The following CLBA1 variants were observed in gnomAD, a reference collection of about 807,000 sequenced individuals.
The protein encoded by CLBA1 is uncharacterized protein CLBA1.
In CLBA1, 30 loss-of-function variants were observed where a neutral mutation model predicts 28.8. That is an observed-to-expected ratio of 1.04 (90% CI 0.78 to 1.41). The LOEUF (loss-of-function observed/expected upper bound fraction) is 1.41, where lower values mean the gene tolerates loss of function less well. Ranked by LOEUF, CLBA1 falls within the 40% of genes most tolerant of loss-of-function variation. The probability of loss-of-function intolerance (pLI) is 0.00; values close to 1 mark genes in which losing one functional copy is unlikely to be tolerated. For synonymous variants in CLBA1, 160 were observed against 152.8 expected (o/e 1.05, Z -0.35); for missense variants, 451 against 412.3 (o/e 1.09, Z -0.81).
Position 104,985,884 on chromosome 14 carries a change from T to TGCGGAGCCCGGGCCCGGGCCCAGGACAC in CLBA1, c.-544_-543insAGCCCGGGCCCGGGCCCAGGACACGCGG, listed in dbSNP as rs551334603. On this transcript the variant is annotated 5_prime_UTR_variant, in exon 1 of 5. Transcript: ENST00000547315. ...CCGCCGAGGCGGCGACCAAGGTGGG[T>TGCGGAGCCCGGGCCCGGGCCCAGGACAC]GCGGGGACTCTCGGGAGCCGTGGGC... 994 of 223,260 alleles carry TGCGGAGCCCGGGCCCGGGCCCAGGACAC rather than the reference T, an allele frequency of 4.5e-3. 6 individuals carry two copies. The highest frequency in any genetic ancestry group is 7.2e-3 in the Non-Finnish European group (756 of 105,506). The allele number at this position is 223,260 out of a possible 1,614,324, so 13.8% of individuals were successfully genotyped here. A position where few individuals can be genotyped will look rare whatever the true frequency, so the allele number is the denominator to read the frequency against.
In CLBA1 at chr14:104,994,604, G is replaced by A; in HGVS notation, c.823G>A (p.Gly275Arg). 1 of 1,607,808 alleles carries A rather than the reference G, an allele frequency of 6.2e-7. No homozygotes were observed. The highest frequency in any genetic ancestry group is 2.2e-5 in the East Asian group (1 of 44,864). ...TGCTGTCCTCTCATCTCAGCTCTCG[G>A]GGCCGCCTGGCAGCAAACAGGGGAG... is the stretch of plus-strand genomic sequence containing the variant. ...CKALIQTKLS[G>R]PPGSKQGRLM... is the part of the protein sequence containing the mutation. The change falls in exon 5 of 5, where the codon GGG (glycine) becomes AGG (arginine). Residue 275 changes from glycine (G) to arginine (R), a missense_variant. Coordinates refer to ENST00000547315, the MANE Select transcript of CLBA1 (RefSeq NM_174891.4).
rs375087463 is a variant in CLBA1 at position 104,989,077 on chromosome 14, A to G, written c.558A>G (p.Val186=). The G allele has an allele frequency of 1.9e-5, 31 of 1,606,230 alleles. No individual in the cohort carries two copies. Among genetic ancestry groups the G allele is most frequent in the Non-Finnish European group, 2.6e-5 (31 of 1,177,764 alleles). The change falls in exon 2 of 5, where the codon GTA becomes GTG. Residue 186 remains valine (V), a synonymous_variant. Coordinates refer to ENST00000547315, the MANE Select transcript of CLBA1 (RefSeq NM_174891.4). The part of the protein sequence containing the change: ...SSEEKPGVER[V]HKLCNESRKL... ...AAGAAAAACCTGGCGTTGAACGTGT[A>G]CATAAATTGTGGTAATGAACTGAAG...
At chr14:105,001,067 TAAAAAAA>T (rs71454491) in intron 2 of CLBA1, among the ~76,000 whole-genome samples, 4 of 126,306 alleles carry the variant, frequency 3.2e-5, no homozygotes, top group Non-Finnish European at 3.3e-5. Flanking sequence ...TATTCAGCTG[TAAAAAAA>T]AAAAAAAAAA....
At chr14:104,997,178 G>A (rs546983008), downstream of CLBA1, among the ~76,000 whole-genome samples, 30 of 152,252 alleles carry the variant, frequency 2.0e-4, no homozygotes, top group African/African-American at 7.2e-4. Context: ...CAGAAACAGG[G>A]ACACTTCAGT....
At chr14:104,994,249 C>A (rs1409115857) in intron 4 of CLBA1, 2 of 985,282 alleles carry the variant, frequency 2.0e-6, no homozygotes, top group Non-Finnish European at 2.4e-6. Context: ...GTGGTGTAGT[C>A]CAAGAGTGGC....
downstream of CLBA1, among the ~76,000 whole-genome samples, chr14:104,997,746 C>T (rs1298457366): frequency 3.9e-5 from 6 of 152,344 alleles, no homozygotes; most frequent in African/African-American, 1.4e-4. Flanking sequence ...CAGGGGCTCA[C>T]ACCTGTAATC....
chr14:104,994,544 A>G (rs2140899861), intron 4 of CLBA1, 54 bp from the exon 5 acceptor site: 2 of 1,556,056 alleles, frequency 1.3e-6, no homozygotes, highest in Middle Eastern at 2.4e-4. Context: ...CGCCCAAGCT[A>G]GCGCTTCTCA....
chr14:104,988,335 C>CTTT (rs33995599), intron 1 of CLBA1, among the ~76,000 whole-genome samples: 36,064 of 138,788 alleles, frequency 0.26, 5,848 homozygotes, highest in African/African-American at 0.45. Flanking sequence ...TGTATAATTT[C>CTTT]TTTTTTTTTT....
downstream of CLBA1, among the ~76,000 whole-genome samples, chr14:104,996,622 C>T (rs756923415): frequency 3.9e-5 from 6 of 152,168 alleles, no homozygotes; most frequent in Non-Finnish European, 5.9e-5. Context: ...ACACCCCGGG[C>T]GCAAGGCGAG....
intron 4 of CLBA1, chr14:104,993,631 CTCTTT>C (rs991311153): frequency 2.7e-5 from 27 of 985,330 alleles, no homozygotes; most frequent in African/African-American, 1.6e-4. Context: ...TTGCAGCTCT[CTCTTT>C]TATCAGGGGG....
intron 2 of CLBA1, chr14:104,989,799 C>A (rs1254448407): frequency 1.4e-5 from 6 of 428,554 alleles, no homozygotes; most frequent in Non-Finnish European, 2.9e-5. Flanking sequence ...CGGAGTGGGT[C>A]TCCCAGCAGC....
chr14:104,994,835 G>A lies in CLBA1; in HGVS notation c.*76G>A. 6.5e-7 allele frequency: 1 copy of A among 1,528,984 alleles called. No homozygotes were observed. The highest frequency in any genetic ancestry group is 8.8e-7 in the Non-Finnish European group (1 of 1,142,004). 94.7% of individuals were successfully genotyped at this position (1,528,984 alleles called of 1,614,324 possible). A position where few individuals can be genotyped will look rare whatever the true frequency, so the allele number is the denominator to read the frequency against. On this transcript the variant is annotated 3_prime_UTR_variant, in exon 5 of 5. Transcript: ENST00000547315. The stretch of plus-strand genomic sequence containing the variant: ...CTGGGTTGATGTGGAAACCAGAGCT[G>A]TCTGTGGAGCTGTTTTCCAGACCCC...
rs369987349 is a variant in CLBA1 at position 104,986,403 on chromosome 14, C to G, written c.-29C>G. On this transcript the variant is annotated 5_prime_UTR_variant, in exon 1 of 5. In the 5' UTR this introduces an upstream ATG that the reference lacks. Coordinates refer to ENST00000547315, the MANE Select transcript of CLBA1 (RefSeq NM_174891.4). Reference sequence around the variant, plus strand: ...GCATGTCTCCTGAGCAGCTGCCCATCGGGCCTCTGCTGGCCTGGGGGCTCC... The same window carrying G: ...GCATGTCTCCTGAGCAGCTGCCCATGGGGCCTCTGCTGGCCTGGGGGCTCC... 4 of 1,603,330 alleles carry G rather than the reference C, an allele frequency of 2.5e-6. No homozygotes were observed. Among genetic ancestry groups the G allele is most frequent in the Non-Finnish European group, 3.4e-6 (4 of 1,176,232 alleles).
rs116503536 is a variant in CLBA1, at chr14:104,989,261, C to T, written c.569+173C>T. The T allele has an allele frequency of 1.2e-3, 757 of 623,612 alleles. 3 individuals are homozygous for T. In the African/African-American group the frequency reaches 0.012, roughly 10 times the overall value. 38.6% of individuals were successfully genotyped at this position (623,612 alleles called of 1,614,324 possible). On this transcript the variant is annotated intron_variant, in intron 2 of 4. Transcript: ENST00000547315. ...AGAAGGGGCAGCACGATTGGCGCTC[C>T]AGCTGTGGCCTTCCACTCTGAGCCC...
In CLBA1 at chr14:104,986,850, C is replaced by T. The variant is rs988634229; in HGVS notation, c.419C>T (p.Ser140Phe). The change falls in exon 1 of 5, where the codon TCT becomes TTT. Residue 140 changes from serine to phenylalanine, a missense_variant. By Grantham distance (155) the Ser-to-Phe change is radical. Transcript: ENST00000547315. The stretch of plus-strand genomic sequence containing the variant: ...ACAGGAACTTCTGCCGTCCCACCTT[C>T]TGAGGTATTTCTGCTGTGCTGTGGT... ...WVTGTSAVPP[S>F]EPILSYENIL... is the part of the protein sequence containing the mutation. 4 of 1,612,858 alleles carry T rather than the reference C, an allele frequency of 2.5e-6. No individual in the cohort carries two copies. The African/African-American group carries it at 5.3e-5, about 22-fold the overall frequency.
In CLBA1 at chr14:104,988,973, T is replaced by C. The variant is rs2140895020; in HGVS notation, c.454T>C (p.Cys152Arg). 2 of 1,612,972 alleles carry C rather than the reference T, an allele frequency of 1.2e-6. No homozygotes were observed. The highest frequency in any genetic ancestry group is 4.5e-5 in the East Asian group (2 of 44,878). The change falls in exon 2 of 5, where the codon TGT becomes CGT. Residue 152 changes from cysteine (C) to arginine (R), a missense_variant. By Grantham distance (180) the Cys-to-Arg change is radical. Transcript: ENST00000547315. ...PILSYENILK[C>R]AFQEITVQQA... Reference sequence around the variant, plus strand: ...TCTCAGCTATGAGAACATTTTAAAGTGTGCTTTTCAAGAAATAACAGTCCA... The same window carrying C: ...TCTCAGCTATGAGAACATTTTAAAGCGTGCTTTTCAAGAAATAACAGTCCA...
At chr14:104,987,830 T>C (rs908246075) in intron 1 of CLBA1, among the ~76,000 whole-genome samples, 1 of 150,904 alleles carries the variant, frequency 6.6e-6, no homozygotes, top group Non-Finnish European at 1.5e-5. Flanking sequence ...AGAGACTGGG[T>C]TTTACCATGT....
intron 1 of CLBA1, among the ~76,000 whole-genome samples, chr14:104,988,123 G>T (rs576897378): frequency 2.0e-5 from 3 of 152,114 alleles, no homozygotes; most frequent in Non-Finnish European, 4.4e-5. Context: ...ACTGCCCCCA[G>T]CTGAGCTGGG....
At position 104,986,564 on chromosome 14, in the gene CLBA1, C is replaced by T; in HGVS notation, c.133C>T (p.Leu45Phe). The change falls in exon 1 of 5, where the codon CTT becomes TTT. Residue 45 changes from leucine to phenylalanine, a missense_variant. Transcript: ENST00000547315. Reference protein sequence around the residue: ...SLEWRRTCPDLLLSDGKASIS... With the variant: ...SLEWRRTCPDFLLSDGKASIS... ...GGAATGGAGACGGACCTGCCCCGAC[C>T]TTCTCCTGTCCGATGGGAAAGCCAG... The T allele has an allele frequency of 6.2e-7, 1 of 1,614,102 alleles. No homozygotes were observed. The highest frequency in any genetic ancestry group is 8.5e-7 in the Non-Finnish European group (1 of 1,180,034).
Sources: allele counts gnomAD v4.1 joint callset (sites outside exome capture counted in the v4.1 genomes callset), GRCh38; gene constraint gnomAD v4.1.1; transcripts MANE v1.5; gene names NCBI Gene and HGNC (gene_info 2026-07-23, HGNC 2026-07-21).